DLG1: variants seen among roughly 807,000 people sequenced by gnomAD.
DLG1 encodes disks large homolog 1.
DLG1 carries 42 observed loss-of-function variants against 123.4 expected under a neutral mutation model. That is an observed-to-expected ratio of 0.34 (90% CI 0.27 to 0.44). The LOEUF (loss-of-function observed/expected upper bound fraction) is 0.44, where lower values mean the gene tolerates loss of function less well. Ranked by LOEUF, DLG1 falls within the 20% of genes least tolerant of loss-of-function variation. The pLI, the probability that DLG1 is intolerant of heterozygous loss-of-function variation, is 1.00. For synonymous variants in DLG1, 317 were observed against 356.2 expected (o/e 0.89, Z 1.24); for missense variants, 942 against 1,082.6 (o/e 0.87, Z 1.82).
At chr3:197,293,334 A>C (rs1346906268) in intron 3 of DLG1, among the ~76,000 whole-genome samples, 2 of 152,220 alleles carry the variant, frequency 1.3e-5, no homozygotes, top group Non-Finnish European at 2.9e-5. Flanking sequence ...GCTTTCAATA[A>C]TTTTTAAATC....
intron 6 of DLG1, among the ~76,000 whole-genome samples, chr3:197,147,746 A>G (rs560144027): frequency 3.9e-5 from 6 of 152,142 alleles, no homozygotes; most frequent in Non-Finnish European, 8.8e-5. Flanking sequence ...TGGGTGCACC[A>G]AAATCTCAGA....
chr3:197,162,287 G>GA (rs1221233705), intron 5 of DLG1, among the ~76,000 whole-genome samples: 1 of 148,676 alleles, frequency 6.7e-6, no homozygotes, highest in Non-Finnish European at 1.5e-5. Flanking sequence ...TGGCAAAAAT[G>GA]AAAAAACAAC....
At position 197,043,141 on chromosome 3, in the gene DLG1, A is replaced by G. The variant is rs556682457; in HGVS notation, c.*1482T>C. ...GAAACTGATTTGTGAAATAATTTCT[A>G]CCTTTCACTAACATTTCTTAAAATT... On this transcript the variant is annotated 3_prime_UTR_variant, in exon 25 of 25. Coordinates refer to ENST00000667157, the MANE Select transcript of DLG1 (RefSeq NM_001366207.1). 6.6e-6 allele frequency: 1 copy of G among 152,226 alleles called. No homozygotes were observed. Among genetic ancestry groups the G allele is most frequent in the African/African-American group, 2.4e-5 (1 of 41,452 alleles). 9.4% of individuals were successfully genotyped at this position (152,226 alleles called of 1,614,324 possible).
At position 197,119,084 on chromosome 3, in the gene DLG1, A is replaced by G. The variant is rs571849145; in HGVS notation, c.1286+326T>C. Among the ~76,000 whole-genome samples, 15 of 152,336 alleles carry G rather than the reference A, an allele frequency of 9.8e-5. No individual in the cohort carries two copies. The South Asian group carries it at 2.7e-3, about 27-fold the overall frequency. On this transcript the variant is annotated intron_variant, in intron 12 of 24. Transcript: ENST00000667157. ...CATATTTTTATGGTATATATTAGATAAGGAACATATAAAATGTTACTTTAA... is the reference window on the plus strand; with the variant it reads ...CATATTTTTATGGTATATATTAGATGAGGAACATATAAAATGTTACTTTAA...
At chr3:197,075,951 C>G in intron 18 of DLG1, 1 of 1,271,194 alleles carries the variant, frequency 7.9e-7, no homozygotes, top group Non-Finnish European at 1.1e-6. Flanking sequence ...AAAATTGGTG[C>G]TACAGTAAGA....
intron 18 of DLG1, among the ~76,000 whole-genome samples, chr3:197,071,248 G>A (rs897065218): frequency 6.6e-6 from 1 of 152,132 alleles, no homozygotes; most frequent in Non-Finnish European, 1.5e-5. Flanking sequence ...GTAAGTGGGA[G>A]TACAGAAGAA....
chr3:197,066,861 C>A, intron 19 of DLG1, 107 bp from the exon 20 acceptor site: 5 of 670,580 alleles, frequency 7.5e-6, no homozygotes, highest in South Asian at 2.7e-5. Flanking sequence ...GAGAAAATGG[C>A]AAAGATATGG....
At chr3:197,198,052 T>C (rs1723460393) in intron 4 of DLG1, among the ~76,000 whole-genome samples, 1 of 152,084 alleles carries the variant, frequency 6.6e-6, no homozygotes, top group Non-Finnish European at 1.5e-5. Context: ...GACCTTAGGA[T>C]TAGGAAATCG....
chr3:197,075,221 A>G (rs1486130500), intron 18 of DLG1, among the ~76,000 whole-genome samples: 1 of 151,810 alleles, frequency 6.6e-6, no homozygotes, highest in African/African-American at 2.4e-5. Flanking sequence ...AAATTAAACA[A>G]GAACAGCAGC....
At chr3:197,218,880 C>A (rs1735409496) in intron 4 of DLG1, among the ~76,000 whole-genome samples, 1 of 152,172 alleles carries the variant, frequency 6.6e-6, no homozygotes, top group Admixed American at 6.5e-5. Context: ...GCCTGTAAGC[C>A]CAGCACTTTG....
intron 18 of DLG1, chr3:197,075,714 C>T: frequency 1.5e-6 from 1 of 660,772 alleles, no homozygotes; most frequent in Non-Finnish European, 2.5e-6. Flanking sequence ...ATTCTAAAAG[C>T]AATCTAAATC....
chr3:197,261,050 C>A (rs1031527644), intron 4 of DLG1, among the ~76,000 whole-genome samples: 1 of 152,068 alleles, frequency 6.6e-6, no homozygotes, highest in Non-Finnish European at 1.5e-5. Flanking sequence ...TTTCACTGAT[C>A]CCCCACACAC....
intron 4 of DLG1, among the ~76,000 whole-genome samples, chr3:197,255,125 A>G (rs934932120): frequency 6.6e-6 from 1 of 152,172 alleles, no homozygotes; most frequent in Non-Finnish European, 1.5e-5. Context: ...AATATGTAAG[A>G]ATTTTTCAAA....
intron 4 of DLG1, among the ~76,000 whole-genome samples, chr3:197,223,774 T>A (rs996697297): frequency 2.0e-5 from 3 of 152,256 alleles, no homozygotes; most frequent in Non-Finnish European, 2.9e-5. Context: ...ATAATTCTGG[T>A]ATAATTCCCA....
At chr3:197,289,360 A>G (rs1463428319) in intron 3 of DLG1, among the ~76,000 whole-genome samples, 1 of 152,156 alleles carries the variant, frequency 6.6e-6, no homozygotes, top group Non-Finnish European at 1.5e-5. Context: ...ACACACACAC[A>G]CACACACAAA....
At chr3:197,222,507 A>G (rs918466310) in intron 4 of DLG1, among the ~76,000 whole-genome samples, 1 of 152,186 alleles carries the variant, frequency 6.6e-6, no homozygotes, top group East Asian at 1.9e-4. Flanking sequence ...GTAGTGGGGA[A>G]AATGATGTAA....
At position 197,043,750 on chromosome 3, in the gene DLG1, T is replaced by C. The variant is rs925820592; in HGVS notation, c.*873A>G. 2 of 152,004 alleles carry C rather than the reference T, an allele frequency of 1.3e-5. No homozygotes were observed. Among genetic ancestry groups the C allele is most frequent in the Admixed American group, 6.6e-5 (1 of 15,250 alleles). The allele number at this position is 152,004 out of a possible 1,614,324, so 9.4% of individuals were successfully genotyped here. On this transcript the variant is annotated 3_prime_UTR_variant, in exon 25 of 25. Transcript: ENST00000667157. Reference sequence around the variant, plus strand: ...ACTCCTAAGAATACATTTGAAGTTTTAGGCTATGAATTGGACTCCTTTCCA... The same window carrying C: ...ACTCCTAAGAATACATTTGAAGTTTCAGGCTATGAATTGGACTCCTTTCCA...
chr3:197,187,148 T>C (rs993682781), intron 5 of DLG1, among the ~76,000 whole-genome samples: 12 of 152,082 alleles, frequency 7.9e-5, no homozygotes, highest in Non-Finnish European at 1.6e-4. Context: ...ACATACAAAA[T>C]CCCTTCTGTA....
At chr3:197,062,050 G>T (rs572792672) in intron 22 of DLG1, among the ~76,000 whole-genome samples, 2 of 152,150 alleles carry the variant, frequency 1.3e-5, no homozygotes, top group Non-Finnish European at 2.9e-5. Context: ...TTAGTAGACA[G>T]TCCAAAGCGT....
Sources: allele counts gnomAD v4.1 joint callset (sites outside exome capture counted in the v4.1 genomes callset), GRCh38; gene constraint gnomAD v4.1.1; transcripts MANE v1.5; gene names NCBI Gene and HGNC (gene_info 2026-07-23, HGNC 2026-07-21).